Variants in HIVEP1 observed in about 807,000 individuals in gnomAD.
The protein encoded by HIVEP1 is zinc finger protein 40.
HIVEP1 carries 36 observed loss-of-function variants against 180.0 expected under a neutral mutation model. The observed-to-expected ratio is 0.20, with a 90% CI of 0.15 to 0.26. HIVEP1 has a LOEUF of 0.26. Ranked by LOEUF, HIVEP1 falls within the 10% of genes least tolerant of loss-of-function variation. HIVEP1 has a pLI of 1.00. For synonymous variants in HIVEP1, 1,239 were observed against 1,239.0 expected (o/e 1.00, Z 0.00); for missense variants, 3,143 against 3,268.7 (o/e 0.96, Z 0.94).
intron 7 of HIVEP1, among the ~76,000 whole-genome samples, chr6:12,159,406 A>G (rs945117873): frequency 6.6e-6 from 1 of 151,922 alleles, no homozygotes; most frequent in Admixed American, 6.6e-5. Flanking sequence ...AAAAAAAAAA[A>G]TACCTAATTT....
chr6:12,090,075 A>C (rs1446953994), intron 3 of HIVEP1, among the ~76,000 whole-genome samples: 2 of 152,174 alleles, frequency 1.3e-5, no homozygotes, highest in Non-Finnish European at 2.9e-5. Context: ...CATAGAAAAC[A>C]TAGATTATCT....
At position 12,136,007 on chromosome 6, in the gene HIVEP1, T is replaced by C. The variant is rs531939647; in HGVS notation, c.6487+115T>C. The stretch of plus-strand genomic sequence containing the variant: ...CTAATTCTGTTTTCATTACCTCTTA[T>C]TTATATGCAGTAGACTCCTAATTAG... On this transcript the variant is annotated intron_variant, in intron 7 of 8. Coordinates refer to ENST00000379388, the MANE Select transcript of HIVEP1 (RefSeq NM_002114.4). 3.6e-5 allele frequency: 21 copies of C among 589,564 alleles called. No individual in the cohort carries two copies. In the African/African-American group the frequency reaches 4.0e-4, roughly 11 times the overall value. The allele number at this position is 589,564 out of a possible 1,614,324, so 36.5% of individuals were successfully genotyped here.
chr6:12,131,731 T>C (rs558888069), intron 6 of HIVEP1, among the ~76,000 whole-genome samples: 3 of 134,792 alleles, frequency 2.2e-5, no homozygotes, highest in African/African-American at 8.5e-5. Context: ...ACCAAAGATC[T>C]CTCTTTAACA....
chr6:12,160,897 G>GC (rs1349606864), intron 7 of HIVEP1, among the ~76,000 whole-genome samples: 1 of 152,100 alleles, frequency 6.6e-6, no homozygotes, highest in African/African-American at 2.4e-5. Context: ...ATTTGAAAGG[G>GC]CCCACATTCC....
Position 12,163,690 on chromosome 6 carries a change from T to C in HIVEP1, c.7386T>C (p.Ser2462=), listed in dbSNP as rs1256495852. The change falls in exon 9 of 9, where the codon AGT becomes AGC. Residue 2462 remains serine (S), a synonymous_variant. Coordinates refer to ENST00000379388, the MANE Select transcript of HIVEP1 (RefSeq NM_002114.4). Reference sequence around the variant, plus strand: ...CTGCTGGAGTGGCTGAATTAAGCAGTGTTGTGCCATGTATTCCTATCGGCC... The same window carrying C: ...CTGCTGGAGTGGCTGAATTAAGCAGCGTTGTGCCATGTATTCCTATCGGCC... ...TNPAGVAELS[S]VVPCIPIGQI... is the part of the protein sequence containing the mutation. The C allele has an allele frequency of 6.2e-6, 10 of 1,614,098 alleles. No individual in the cohort carries two copies. Among genetic ancestry groups the C allele is most frequent in the Non-Finnish European group, 7.6e-6 (9 of 1,180,022 alleles).
chr6:12,120,205 T>G lies in HIVEP1; in HGVS notation c.410T>G (p.Leu137Arg), dbSNP rs1775481639. The change falls in exon 4 of 9, where the codon CTG (leucine) becomes CGG (arginine). Residue 137 changes from leucine to arginine, a missense_variant. Leu to Arg is a moderately radical substitution (Grantham distance 102). Around this residue, in one of 12 missense-constraint regions of HIVEP1, gnomAD observed 306 missense variants for 310.6 expected, o/e 0.99. Coordinates refer to ENST00000379388, the MANE Select transcript of HIVEP1 (RefSeq NM_002114.4). ...GTCTCCCCAAAGAAGCCCTTGTTTC[T>G]GCAGCAACCATCTGAACTGCGTAGA... is the stretch of plus-strand genomic sequence containing the variant. Reference protein sequence around the residue: ...ESVSPKKPLFLQQPSELRRWR... With the variant: ...ESVSPKKPLFRQQPSELRRWR... 1 of 1,614,110 alleles carries G rather than the reference T, an allele frequency of 6.2e-7. No individual in the cohort carries two copies. Among genetic ancestry groups the G allele is most frequent in the Non-Finnish European group, 8.5e-7 (1 of 1,180,044 alleles).
At chr6:12,014,253 C>T (rs939696927) in intron 1 of HIVEP1, among the ~76,000 whole-genome samples, 17 of 152,264 alleles carry the variant, frequency 1.1e-4, no homozygotes, top group African/African-American at 4.1e-4. Context: ...TGACTTGCTG[C>T]GCCTCTTGAA....
chr6:12,076,025 A>G (rs1772328350), intron 2 of HIVEP1, among the ~76,000 whole-genome samples: 1 of 152,084 alleles, frequency 6.6e-6, no homozygotes, highest in African/African-American at 2.4e-5. Flanking sequence ...TATTCTTTTG[A>G]TCTGTGGGTA....
intron 7 of HIVEP1, 48 bp downstream of exon 7, chr6:12,135,940 AT>A (rs776624206): frequency 1.0e-5 from 13 of 1,292,392 alleles, no homozygotes; most frequent in Admixed American, 3.6e-5. Flanking sequence ...ATAATGTACA[AT>A]TTTTTTGCTT....
chr6:12,148,823 G>A (rs968400638), intron 7 of HIVEP1, among the ~76,000 whole-genome samples: 4 of 152,158 alleles, frequency 2.6e-5, no homozygotes, highest in African/African-American at 4.8e-5. Flanking sequence ...ATCGAAGGAT[G>A]TCTGGTCTAG....
At chr6:12,083,761 CA>C (rs1561923576) in intron 2 of HIVEP1, among the ~76,000 whole-genome samples, 1 of 152,138 alleles carries the variant, frequency 6.6e-6, no homozygotes, top group East Asian at 1.9e-4. Context: ...ACGATTTAAT[CA>C]AGTACATTTG....
intron 2 of HIVEP1, among the ~76,000 whole-genome samples, chr6:12,086,649 T>A (rs1024018210): frequency 6.6e-6 from 1 of 152,038 alleles, no homozygotes; most frequent in Non-Finnish European, 1.5e-5. Context: ...CTGCCTCTTA[T>A]ATTGATGAAC....
chr6:12,015,701 G>C lies in HIVEP1; in HGVS notation c.40+33G>C. 3 of 1,588,502 alleles carry C rather than the reference G, an allele frequency of 1.9e-6. No individual in the cohort carries two copies. The South Asian group carries it at 3.4e-5, about 18-fold the overall frequency. On this transcript the variant is annotated intron_variant, in intron 2 of 8. Coordinates refer to ENST00000379388, the MANE Select transcript of HIVEP1 (RefSeq NM_002114.4). ...ATTGCATTAAGTAGAAGTAAGGCTT[G>C]CTGTAAATCTTTTAACAAAGTATCT...
chr6:12,037,142 G>C (rs1769327184), intron 2 of HIVEP1, among the ~76,000 whole-genome samples: 1 of 152,206 alleles, frequency 6.6e-6, no homozygotes, highest in Non-Finnish European at 1.5e-5. Flanking sequence ...AGGGGACGGA[G>C]TGGGTGTTGA....
chr6:12,157,289 T>C (rs767461246), intron 7 of HIVEP1, among the ~76,000 whole-genome samples: 1 of 152,226 alleles, frequency 6.6e-6, no homozygotes, highest in Non-Finnish European at 1.5e-5. Flanking sequence ...TTTTAATTTA[T>C]GTGTTAGACC....
Position 12,123,657 on chromosome 6 carries a change from G to A in HIVEP1, c.3862G>A (p.Glu1288Lys), listed in dbSNP as rs1257770349. Reference sequence around the variant, plus strand: ...CAAAAAGAAAAGGCTCCGTCTGGCTGAGATAGAACATTCCTCAACAGAATC... The same window carrying A: ...CAAAAAGAAAAGGCTCCGTCTGGCTAAGATAGAACATTCCTCAACAGAATC... Reference protein sequence around the residue: ...PPKKKRLRLAEIEHSSTESSF... With the variant: ...PPKKKRLRLAKIEHSSTESSF... The change falls in exon 4 of 9, where the codon GAG becomes AAG. Residue 1288 changes from glutamate (E) to lysine (K), a missense_variant. Glu to Lys is a moderately conservative substitution (Grantham distance 56). Transcript: ENST00000379388. The A allele has an allele frequency of 3.1e-6, 5 of 1,613,926 alleles. No individual in the cohort carries two copies. Among genetic ancestry groups the A allele is most frequent in the Non-Finnish European group, 4.2e-6 (5 of 1,180,018 alleles).
At chr6:12,148,281 C>G (rs914346717) in intron 7 of HIVEP1, among the ~76,000 whole-genome samples, 3 of 152,184 alleles carry the variant, frequency 2.0e-5, no homozygotes, top group Non-Finnish European at 2.9e-5. Context: ...CTGGTTCCCC[C>G]CTGCATCCTC....
At chr6:12,168,534 A>G (rs559011503), downstream of HIVEP1, among the ~76,000 whole-genome samples, 320 of 151,502 alleles carry the variant, frequency 2.1e-3, 1 homozygote, top group Non-Finnish European at 3.5e-3. Context: ...ACAACTTACT[A>G]TGGTTCAATT....
At chr6:12,086,957 T>TA (rs1042389086) in intron 2 of HIVEP1, among the ~76,000 whole-genome samples, 1 of 152,076 alleles carries the variant, frequency 6.6e-6, no homozygotes, top group Non-Finnish European at 1.5e-5. Flanking sequence ...AGGAGAATTA[T>TA]AAAAACACAC....
Sources: gnomAD v4.1 joint callset for allele counts (sites outside exome capture counted in the v4.1 genomes callset) on GRCh38, gnomAD v4.1.1 for gene constraint, gnomAD v4.1.1 regional missense constraint, MANE v1.5 for transcripts, NCBI Gene and HGNC (gene_info 2026-07-23, HGNC 2026-07-21) for gene names.